The following RNF220 variants were observed in gnomAD, a reference collection of about 807,000 sequenced individuals.
RNF220 encodes ring finger protein 220.
RNF220 carries 7 observed loss-of-function variants against 67.1 expected under a neutral mutation model. The ratio of observed to expected loss-of-function variants is 0.10; its 90% CI spans 0.06 to 0.20. RNF220 has a LOEUF of 0.20. RNF220 is among the 10% of genes least tolerant of loss of function. The pLI is 1.00. For synonymous variants in RNF220, 270 were observed against 283.2 expected, an observed-to-expected ratio of 0.95 and a Z score of 0.47; for missense variants, 565 against 740.3, an observed-to-expected ratio of 0.76 and a Z score of 2.75.
At chr1:44,607,014 T>C (rs1667315077) in intron 2 of RNF220, among the ~76,000 whole-genome samples, 1 of 152,230 alleles carries the variant, frequency 6.6e-6, no homozygotes. Context: ...AATCAGTCAA[T>C]GTTCTACCAC....
chr1:44,601,079 A>T (rs1666887514), intron 2 of RNF220, among the ~76,000 whole-genome samples: 1 of 152,204 alleles, frequency 6.6e-6, no homozygotes, highest in African/African-American at 2.4e-5. Flanking sequence ...CTCCATAAGG[A>T]CATGGATCTC....
At chr1:44,486,285 G>C (rs1656297321) in intron 2 of RNF220, among the ~76,000 whole-genome samples, 1 of 152,178 alleles carries the variant, frequency 6.6e-6, no homozygotes, top group Non-Finnish European at 1.5e-5. Flanking sequence ...CCTTTAACAG[G>C]AGCACATAGG....
At chr1:44,448,592 A>G (rs140036810) in intron 2 of RNF220, among the ~76,000 whole-genome samples, 70 of 152,332 alleles carry the variant, frequency 4.6e-4, no homozygotes, top group African/African-American at 1.6e-3. Flanking sequence ...AGACTTTTAG[A>G]TAGTAACAGA....
At chr1:44,464,979 A>G (rs945323130) in intron 2 of RNF220, among the ~76,000 whole-genome samples, 24 of 152,170 alleles carry the variant, frequency 1.6e-4, no homozygotes, top group Admixed American at 8.5e-4. Context: ...CCTTCATTAT[A>G]CTGAGAGTGT....
chr1:44,542,813 T>C (rs1211905177), intron 2 of RNF220, among the ~76,000 whole-genome samples: 5 of 152,272 alleles, frequency 3.3e-5, no homozygotes, highest in East Asian at 1.9e-4. Flanking sequence ...CTGTAGCAAA[T>C]TGGGCTGACC....
rs191629856 is a variant in RNF220 at position 44,633,564 on chromosome 1, G to A, written c.949+1179G>A. 9.8e-5 allele frequency among the ~76,000 whole-genome samples: 15 copies of A among 152,368 alleles called. No individual in the cohort carries two copies. In the East Asian group the frequency reaches 2.9e-3, roughly 29 times the overall value. ...TCTGAGAATTTGCAGATGAAGCCCA[G>A]TCCATTGGGGTGCTTTCCAGGGACA... On this transcript the variant is annotated intron_variant, in intron 6 of 14. Transcript: ENST00000361799.
intron 2 of RNF220, among the ~76,000 whole-genome samples, chr1:44,451,966 T>G (rs1652735032): frequency 6.6e-6 from 1 of 152,228 alleles, no homozygotes; most frequent in Non-Finnish European, 1.5e-5. Flanking sequence ...AAGTTTGTGT[T>G]TTGCTTAGGA....
intron 2 of RNF220, among the ~76,000 whole-genome samples, chr1:44,578,694 T>G (rs1665008561): frequency 6.6e-6 from 1 of 152,148 alleles, no homozygotes; most frequent in African/African-American, 2.4e-5. Context: ...GATCAACAAC[T>G]CTAATCACTC....
intron 2 of RNF220, among the ~76,000 whole-genome samples, chr1:44,541,627 T>C (rs959349163): frequency 3.3e-5 from 5 of 152,208 alleles, no homozygotes; most frequent in African/African-American, 1.2e-4. Context: ...CGGTCCCATC[T>C]TCTATCCACT....
chr1:44,650,979 C>G lies in RNF220; in HGVS notation c.*204C>G. Reference sequence around the variant, plus strand: ...GAGGCTGTGGCCCAGGCACTACCTGCTGGCTCCCACCTATGGTTTGGGGGC... The same window carrying G: ...GAGGCTGTGGCCCAGGCACTACCTGGTGGCTCCCACCTATGGTTTGGGGGC... On this transcript the variant is annotated 3_prime_UTR_variant, in exon 15 of 15. Coordinates refer to ENST00000361799, the MANE Select transcript of RNF220 (RefSeq NM_018150.4). The surrounding 1 kb of genome is among the most constrained non-coding windows in gnomAD (Gnocchi z 4.3). The G allele has an allele frequency of 1.7e-6, 1 of 572,924 alleles. No individual in the cohort carries two copies. Among genetic ancestry groups the G allele is most frequent in the East Asian group, 3.2e-5 (1 of 31,698 alleles). The allele number at this position is 572,924 out of a possible 1,614,324, so 35.5% of individuals were successfully genotyped here.
chr1:44,635,752 T>C (rs1051402612), intron 7 of RNF220, 164 bp downstream of exon 7: 1 of 1,467,276 alleles, frequency 6.8e-7, no homozygotes, highest in African/African-American at 1.4e-5. Context: ...TGTGGGCTCT[T>C]GGGGTCTCCA....
At chr1:44,411,854 C>T (rs1648000957) in intron 1 of RNF220, 127 bp from the exon 2 acceptor site, 5 of 486,018 alleles carry the variant, frequency 1.0e-5, no homozygotes, top group Non-Finnish European at 3.7e-6. Flanking sequence ...GCTCCTAAAG[C>T]CTGTGGTGTC....
chr1:44,475,602 T>C, intron 2 of RNF220, among the ~76,000 whole-genome samples: 1 of 149,322 alleles, frequency 6.7e-6, no homozygotes, highest in Non-Finnish European at 1.5e-5. Flanking sequence ...TCAAGGTAAG[T>C]ATATATCTCT....
At chr1:44,567,783 T>C (rs1275161309) in intron 2 of RNF220, among the ~76,000 whole-genome samples, 2 of 152,060 alleles carry the variant, frequency 1.3e-5, no homozygotes, top group Non-Finnish European at 2.9e-5. Context: ...TCACATCTAC[T>C]AGGGAGAAAG....
chr1:44,488,055 G>A (rs536001871), intron 2 of RNF220, among the ~76,000 whole-genome samples: 3 of 148,808 alleles, frequency 2.0e-5, no homozygotes, highest in Non-Finnish European at 1.5e-5. Context: ...CTGCAGCCTC[G>A]ACCTCCCAAG....
At chr1:44,421,595 G>T (rs536645766) in intron 2 of RNF220, among the ~76,000 whole-genome samples, 2 of 150,742 alleles carry the variant, frequency 1.3e-5, no homozygotes, top group African/African-American at 4.9e-5. Flanking sequence ...GGACTGAGAT[G>T]GGGGGGCTGC....
chr1:44,463,785 G>A (rs1572581311), intron 2 of RNF220, among the ~76,000 whole-genome samples: 1 of 152,304 alleles, frequency 6.6e-6, no homozygotes, highest in Non-Finnish European at 1.5e-5. Context: ...CAGGAGCTGA[G>A]AGCCACTCCC....
At chr1:44,464,643 A>G (rs569796528) in intron 2 of RNF220, among the ~76,000 whole-genome samples, 14 of 152,298 alleles carry the variant, frequency 9.2e-5, no homozygotes, top group South Asian at 4.1e-4. Context: ...CACAATAGCT[A>G]TTATATCAAA....
chr1:44,595,975 A>G (rs1398425629), intron 2 of RNF220, among the ~76,000 whole-genome samples: 2 of 152,078 alleles, frequency 1.3e-5, no homozygotes, highest in African/African-American at 4.8e-5. Context: ...CGTGTTAGCC[A>G]GGATGGTCTC....
Sources: allele counts gnomAD v4.1 joint callset (sites outside exome capture counted in the v4.1 genomes callset), GRCh38; gene constraint gnomAD v4.1.1; non-coding constraint Gnocchi (gnomAD v3.1); transcripts MANE v1.5; gene names NCBI Gene and HGNC (gene_info 2026-07-23, HGNC 2026-07-21).